The following PHF21A variants were observed in gnomAD, a reference collection of about 807,000 sequenced individuals.
The protein encoded by PHF21A is BHC80a.
In PHF21A, 11 loss-of-function variants were observed where a neutral mutation model predicts 82.5. That is an observed-to-expected ratio of 0.13 (90% CI 0.08 to 0.22). The LOEUF is 0.22. Among genes scored for constraint, PHF21A ranks in the 10% least tolerant of loss-of-function variants. PHF21A has a pLI of 1.00. For synonymous variants in PHF21A, 297 were observed against 302.8 expected, an observed-to-expected ratio of 0.98 and a Z score of 0.20; for missense variants, 579 against 837.8, an observed-to-expected ratio of 0.69 and a Z score of 3.81.
rs148713359 is a variant in PHF21A, at chr11:46,047,617, T to G, written c.153+29137A>C. The stretch of plus-strand genomic sequence containing the variant: ...GAAAGGGTTAAAGCATAATTAAGAG[T>G]CTGAAAGATATTATTTTTTCTTTGC... On this transcript the variant is annotated intron_variant, in intron 6 of 18. Transcript: ENST00000676320. Among the ~76,000 whole-genome samples the G allele has an allele frequency of 3.8e-3, 576 of 152,232 alleles. 3 individuals are homozygous for G. Among genetic ancestry groups the G allele is most frequent in the African/African-American group, 0.013 (558 of 41,534 alleles).
At chr11:46,067,051 T>C (rs554398347) in intron 6 of PHF21A, among the ~76,000 whole-genome samples, 1 of 152,354 alleles carries the variant, frequency 6.6e-6, no homozygotes, top group East Asian at 1.9e-4. Context: ...AATATGCATA[T>C]ATAGCTAATG....
At chr11:45,934,372 A>T in intron 18 of PHF21A, 147 bp from the exon 19 acceptor site, 24 of 732,566 alleles carry the variant, frequency 3.3e-5, no homozygotes, top group African/African-American at 7.1e-5. Flanking sequence ...TGTGTTCCTC[A>T]GTGGAGTGGG....
chr11:45,943,339 T>C (rs1258765175), intron 15 of PHF21A, among the ~76,000 whole-genome samples: 1 of 152,058 alleles, frequency 6.6e-6, no homozygotes, highest in African/African-American at 2.4e-5. Context: ...CCATCACACC[T>C]GGCTAATTTT....
intron 15 of PHF21A, 76 bp from the exon 16 acceptor site, chr11:45,938,388 G>T: frequency 8.4e-7 from 1 of 1,184,538 alleles, no homozygotes; most frequent in Non-Finnish European, 1.2e-6. Context: ...CATTCTAGAT[G>T]CATATAAATG....
chr11:45,940,022 T>TC (rs2090039221), intron 15 of PHF21A, among the ~76,000 whole-genome samples: 1 of 151,998 alleles, frequency 6.6e-6, no homozygotes, highest in Admixed American at 6.6e-5. Flanking sequence ...TGTGAATCCT[T>TC]CCTTTCTATG....
At chr11:45,994,642 T>C (rs144566788) in intron 6 of PHF21A, among the ~76,000 whole-genome samples, 67 of 152,342 alleles carry the variant, frequency 4.4e-4, no homozygotes, top group African/African-American at 1.6e-3. Flanking sequence ...GGTTATGTTT[T>C]AGGCTTTGTA....
At chr11:46,008,925 G>C (rs2095355723) in intron 6 of PHF21A, among the ~76,000 whole-genome samples, 1 of 150,528 alleles carries the variant, frequency 6.6e-6, no homozygotes, top group East Asian at 1.9e-4. Context: ...CAATCAGACT[G>C]GACTCTTCCC....
At chr11:46,006,434 C>A (rs1448369870) in intron 6 of PHF21A, among the ~76,000 whole-genome samples, 1 of 152,218 alleles carries the variant, frequency 6.6e-6, no homozygotes, top group South Asian at 2.1e-4. Context: ...TTGAATAAAT[C>A]TGCCCTCAGT....
intron 6 of PHF21A, among the ~76,000 whole-genome samples, chr11:46,053,238 A>G (rs1416047278): frequency 2.0e-5 from 3 of 152,184 alleles, no homozygotes; most frequent in Non-Finnish European, 4.4e-5. Context: ...CACTTTTTAT[A>G]ATATATGTAA....
At chr11:45,978,118 G>GTCTCTACTAAACCA (rs2094125152) in intron 7 of PHF21A, among the ~76,000 whole-genome samples, 1 of 152,022 alleles carries the variant, frequency 6.6e-6, no homozygotes, top group Admixed American at 6.6e-5. Context: ...TGGCCAATAT[G>GTCTCTACTAAACCA]GTAAAACCCT....
rs1410590996 is a variant in PHF21A, at chr11:45,934,086, G to A, written c.1928C>T (p.Ala643Val). ...KPVDSEATVGAISNGPDCTPP... is the reference protein window; with the variant it reads ...KPVDSEATVGVISNGPDCTPP... ...GGTGCAGTCCGGGCCATTGGAGATG[G>A]CCCCCACAGTGGCCTCAGAGTCTAC... is the stretch of plus-strand genomic sequence containing the variant. Residue 643 changes from alanine to valine, a missense_variant, in exon 19 of 19, where the codon GCC becomes GTC. Ala to Val is a moderately conservative substitution (Grantham distance 64). Coordinates refer to ENST00000676320, the MANE Select transcript of PHF21A (RefSeq NM_001352027.3). 5.6e-6 allele frequency: 9 copies of A among 1,614,084 alleles called. No homozygotes were observed. The South Asian group carries it at 8.8e-5, about 16-fold the overall frequency.
At chr11:45,956,332 A>T (rs2092634347) in intron 10 of PHF21A, among the ~76,000 whole-genome samples, 1 of 152,252 alleles carries the variant, frequency 6.6e-6, no homozygotes, top group Non-Finnish European at 1.5e-5. Flanking sequence ...TTAAATGCAC[A>T]AAGTAATTAT....
intron 6 of PHF21A, among the ~76,000 whole-genome samples, chr11:46,041,967 ATC>A (rs1201360738): frequency 1.3e-5 from 2 of 152,160 alleles, no homozygotes; most frequent in African/African-American, 4.8e-5. Context: ...GACAGGATTC[ATC>A]TCTTCTATTT....
At chr11:46,105,929 A>C (rs2097147866) in intron 1 of PHF21A, among the ~76,000 whole-genome samples, 1 of 152,256 alleles carries the variant, frequency 6.6e-6, no homozygotes, top group Non-Finnish European at 1.5e-5. Context: ...AATATCTAAT[A>C]GCATGACAAT....
intron 1 of PHF21A, among the ~76,000 whole-genome samples, chr11:46,102,885 C>A (rs986598759): frequency 6.6e-6 from 1 of 152,104 alleles, no homozygotes; most frequent in African/African-American, 2.4e-5. Context: ...ATAATTACAA[C>A]AGTGTTTTGT....
intron 1 of PHF21A, among the ~76,000 whole-genome samples, chr11:46,095,386 T>A (rs1258439633): frequency 6.6e-6 from 1 of 152,200 alleles, no homozygotes; most frequent in African/African-American, 2.4e-5. Context: ...CACTTCTAAC[T>A]AAGGTACTTC....
intron 6 of PHF21A, among the ~76,000 whole-genome samples, chr11:46,071,441 A>T (rs2096655353): frequency 6.6e-6 from 1 of 152,240 alleles, no homozygotes. Context: ...GTGTGAAAAT[A>T]AACACTTAGG....
At chr11:45,962,382 T>C (rs1052920524) in intron 10 of PHF21A, among the ~76,000 whole-genome samples, 4 of 152,114 alleles carry the variant, frequency 2.6e-5, no homozygotes, top group East Asian at 1.9e-4. Context: ...CTATGATCTA[T>C]GAGATCTCTT....
chr11:46,089,579 C>T (rs921605431), intron 3 of PHF21A, among the ~76,000 whole-genome samples: 1 of 151,878 alleles, frequency 6.6e-6, no homozygotes, highest in Non-Finnish European at 1.5e-5. Flanking sequence ...CCCTGATTTT[C>T]GAGGCGAACC....
Sources: gnomAD v4.1 joint callset for allele counts (sites outside exome capture counted in the v4.1 genomes callset) on GRCh38, gnomAD v4.1.1 for gene constraint, MANE v1.5 for transcripts, NCBI Gene and HGNC (gene_info 2026-07-23, HGNC 2026-07-21) for gene names.